Variants in ERC2 observed in about 807,000 individuals in gnomAD.
ERC2 encodes the protein ERC protein 2.
In ERC2, 42 loss-of-function variants were observed where a neutral mutation model predicts 114.8. The observed-to-expected ratio is 0.37, with a 90% CI of 0.29 to 0.47. ERC2 has a LOEUF of 0.47. Ranked by LOEUF, ERC2 falls within the 20% of genes least tolerant of loss-of-function variation. The pLI is 0.99. For missense variants in ERC2, 939 were observed against 1,150.7 expected (o/e 0.82, Z 2.66); for synonymous variants, 454 against 425.5 (o/e 1.07, Z -0.82).
intron 3 of ERC2, 195 bp from the exon 4 acceptor site, chr3:56,173,715 C>A (rs1575684331): frequency 5.5e-6 from 3 of 546,832 alleles, no homozygotes; most frequent in Non-Finnish European, 9.6e-6. Context: ...AAGCTCCTGG[C>A]ACATGCGCTA....
At chr3:55,818,424 G>A (rs2059986921) in intron 14 of ERC2, among the ~76,000 whole-genome samples, 1 of 152,128 alleles carries the variant, frequency 6.6e-6, no homozygotes, top group Non-Finnish European at 1.5e-5. Context: ...TCTCACTCCA[G>A]ATCAAATATT....
At chr3:56,300,873 G>A (rs1050549744) in intron 2 of ERC2, among the ~76,000 whole-genome samples, 1 of 152,212 alleles carries the variant, frequency 6.6e-6, no homozygotes, top group Non-Finnish European at 1.5e-5. Flanking sequence ...CAAGATGGCA[G>A]GAGAAAAGGA....
At chr3:56,092,930 A>C (rs1343298618) in intron 6 of ERC2, among the ~76,000 whole-genome samples, 2 of 152,220 alleles carry the variant, frequency 1.3e-5, no homozygotes, top group African/African-American at 4.8e-5. Context: ...TGAATTTTCT[A>C]AACTATCACT....
chr3:55,834,410 C>T (rs984130165), intron 14 of ERC2, among the ~76,000 whole-genome samples: 6 of 152,148 alleles, frequency 3.9e-5, no homozygotes, highest in African/African-American at 1.4e-4. Context: ...AACAAATGGT[C>T]TCTCAGACCA....
intron 2 of ERC2, among the ~76,000 whole-genome samples, chr3:56,377,239 G>A (rs1182164462): frequency 6.6e-6 from 1 of 152,044 alleles, no homozygotes; most frequent in Admixed American, 6.6e-5. Flanking sequence ...AGACCAGAAA[G>A]GAACACATGA....
intron 13 of ERC2, among the ~76,000 whole-genome samples, chr3:55,902,201 T>C (rs1380621134): frequency 6.6e-6 from 1 of 152,154 alleles, no homozygotes; most frequent in Non-Finnish European, 1.5e-5. Context: ...AGCTCCTCAG[T>C]GGGAGGAAAG....
intron 10 of ERC2, among the ~76,000 whole-genome samples, chr3:55,993,476 G>T (rs888459214): frequency 3.3e-5 from 5 of 151,868 alleles, no homozygotes; most frequent in African/African-American, 1.2e-4. Context: ...CGGTTAGAAG[G>T]TTTGACAGTC....
rs1222650635 is a variant in ERC2 at position 56,036,430 on chromosome 3, C to T, written c.1642-17399G>A. Among the ~76,000 whole-genome samples the T allele has an allele frequency of 2.0e-5, 3 of 152,158 alleles. 1 individual carries two copies. The South Asian group carries it at 6.2e-4, about 32-fold the overall frequency. ...TCCGAATCTGGAAGGAGTAAAATTGCATCTGTTTGCAGATGACATGATCTT... is the reference window on the plus strand; with the variant it reads ...TCCGAATCTGGAAGGAGTAAAATTGTATCTGTTTGCAGATGACATGATCTT... On this transcript the variant is annotated intron_variant, in intron 7 of 17. Transcript: ENST00000288221.
chr3:55,951,768 A>G (rs2067535037), intron 12 of ERC2, among the ~76,000 whole-genome samples: 1 of 152,126 alleles, frequency 6.6e-6, no homozygotes, highest in African/African-American at 2.4e-5. Context: ...AGTAAAAAAC[A>G]TACTGAGAAT....
intron 14 of ERC2, among the ~76,000 whole-genome samples, chr3:55,744,135 G>T (rs1575458698): frequency 6.6e-6 from 1 of 152,156 alleles, no homozygotes; most frequent in Non-Finnish European, 1.5e-5. Context: ...AGGCATGGTG[G>T]ATCATGCCTG....
intron 14 of ERC2, among the ~76,000 whole-genome samples, chr3:55,806,991 A>G (rs1179132491): frequency 6.6e-6 from 1 of 152,222 alleles, no homozygotes; most frequent in Non-Finnish European, 1.5e-5. Flanking sequence ...CAATGATACT[A>G]AAGAGGTAGA....
chr3:56,167,602 G>A (rs1028106417), intron 4 of ERC2, among the ~76,000 whole-genome samples: 3 of 152,040 alleles, frequency 2.0e-5, no homozygotes, highest in African/African-American at 4.8e-5. Context: ...TGGGATAAAG[G>A]GGTTTGTTGT....
chr3:55,960,624 A>G (rs912492571), intron 12 of ERC2, among the ~76,000 whole-genome samples: 1 of 152,134 alleles, frequency 6.6e-6, no homozygotes, highest in African/African-American at 2.4e-5. Flanking sequence ...ACCACCAGAC[A>G]AGCAGGAGTC....
At chr3:56,199,220 G>T (rs1182373585) in intron 3 of ERC2, among the ~76,000 whole-genome samples, 1 of 152,070 alleles carries the variant, frequency 6.6e-6, no homozygotes, top group African/African-American at 2.4e-5. Context: ...GGAAGGGGAA[G>T]GATCTACTGA....
chr3:55,857,453 A>G (rs1231013290), intron 14 of ERC2, among the ~76,000 whole-genome samples: 1 of 152,188 alleles, frequency 6.6e-6, no homozygotes, highest in East Asian at 1.9e-4. Flanking sequence ...AACCATTTTT[A>G]AATATACAAT....
chr3:55,992,143 T>G lies in ERC2; in HGVS notation c.2169A>C (p.Gln723His), dbSNP rs1202293952. The G allele has an allele frequency of 6.2e-7, 1 of 1,613,996 alleles. No homozygotes were observed. The highest frequency in any genetic ancestry group is 8.5e-7 in the Non-Finnish European group (1 of 1,179,890). Reference protein sequence around the residue: ...SYYRDECGKAQAEVDRLLEIL... With the variant: ...SYYRDECGKAHAEVDRLLEIL... Reference sequence around the variant, plus strand: ...TCTCCAGCAACCGGTCCACTTCCGCTTGGGCCTTGCCACACTCGTCGCGGT... The same window carrying G: ...TCTCCAGCAACCGGTCCACTTCCGCGTGGGCCTTGCCACACTCGTCGCGGT... Residue 723 changes from glutamine (Q) to histidine (H), a missense_variant, in exon 11 of 18, where the codon CAA (glutamine) becomes CAC (histidine). By Grantham distance (24) the Gln-to-His change is conservative. Transcript: ENST00000288221.
chr3:55,695,566 T>A (rs1442626769), intron 16 of ERC2, among the ~76,000 whole-genome samples: 7 of 152,206 alleles, frequency 4.6e-5, no homozygotes, highest in African/African-American at 1.4e-4. Flanking sequence ...GTCCTCAACC[T>A]TAATGACTCC....
intron 4 of ERC2, among the ~76,000 whole-genome samples, chr3:56,165,327 TTTA>T (rs1174545586): frequency 2.0e-5 from 3 of 151,914 alleles, no homozygotes; most frequent in African/African-American, 7.3e-5. Flanking sequence ...TAGCTTTTTT[TTTA>T]TTATTATACT....
intron 1 of ERC2, among the ~76,000 whole-genome samples, chr3:56,465,064 G>A (rs2063482583): frequency 6.6e-6 from 1 of 152,190 alleles, no homozygotes; most frequent in African/African-American, 2.4e-5. Context: ...CCAATGGGAA[G>A]AGACTGATAA....
Sources: gnomAD v4.1 joint callset for allele counts (sites outside exome capture counted in the v4.1 genomes callset) on GRCh38, gnomAD v4.1.1 for gene constraint, MANE v1.5 for transcripts, NCBI Gene and HGNC (gene_info 2026-07-23, HGNC 2026-07-21) for gene names.